The following COQ10B variants were observed in gnomAD, a reference collection of about 807,000 sequenced individuals.
The protein encoded by COQ10B is coenzyme Q10B.
Under a neutral mutation model 27.6 loss-of-function variants are expected in COQ10B, and 12 were observed. The observed-to-expected ratio is 0.43, with a 90% CI of 0.28 to 0.70. COQ10B has a LOEUF of 0.70. COQ10B is among the 30% of genes least tolerant of loss of function. The probability of loss-of-function intolerance (pLI) is 0.17; values close to 1 mark genes in which losing one functional copy is unlikely to be tolerated. For synonymous variants in COQ10B, 115 were observed against 103.0 expected, an observed-to-expected ratio of 1.12 and a Z score of -0.71; for missense variants, 278 against 288.7, an observed-to-expected ratio of 0.96 and a Z score of 0.27.
chr2:197,460,633 A>T (rs78026314), intron 2 of COQ10B, among the ~76,000 whole-genome samples: 3,500 of 152,334 alleles, frequency 0.023, 129 homozygotes, highest in African/African-American at 0.081. Flanking sequence ...TATTAGCAAC[A>T]TTACTGATAC....
At chr2:197,454,085 A>G (rs1232122877) in intron 1 of COQ10B, 5 of 1,551,094 alleles carry the variant, frequency 3.2e-6, no homozygotes, top group East Asian at 2.4e-5. Flanking sequence ...TACCTGCCAG[A>G]TGGTCAGATG....
Position 197,474,795 on chromosome 2 carries a change from C to G in COQ10B, c.*871C>G, listed in dbSNP as rs938360767. 1 of 151,158 alleles carries G rather than the reference C, an allele frequency of 6.6e-6. No homozygotes were observed. Among genetic ancestry groups the G allele is most frequent in the South Asian group, 2.1e-4 (1 of 4,806 alleles). The allele number at this position is 151,158 out of a possible 1,614,324, so 9.4% of individuals were successfully genotyped here. A position where few individuals can be genotyped will look rare whatever the true frequency, so the allele number is the denominator to read the frequency against. ...TCATTGCCATAATGAGGCTAGCTCC[C>G]AGATAAACAGTGTATTTTCTTCTTT... On this transcript the variant is annotated 3_prime_UTR_variant, in exon 5 of 5. Coordinates refer to ENST00000263960, the MANE Select transcript of COQ10B (RefSeq NM_025147.5).
At chr2:197,453,918 C>G in intron 1 of COQ10B, 1 of 1,528,656 alleles carries the variant, frequency 6.5e-7, no homozygotes, top group Non-Finnish European at 8.8e-7. Context: ...ACTTTGGAAG[C>G]AATTTGGCCA....
In COQ10B at chr2:197,473,402, C is replaced by CAAAA. The variant is rs1208430482; in HGVS notation, c.550-344_550-341dup. On this transcript the variant is annotated intron_variant, in intron 4 of 4. Coordinates refer to ENST00000263960, the MANE Select transcript of COQ10B (RefSeq NM_025147.5). Reference sequence around the variant, plus strand: ...AACCCCTTCTCTACGCCCCCCCCCACAAAAAAAAAAAAAATATATATATAT... The same window carrying CAAAA: ...AACCCCTTCTCTACGCCCCCCCCCACAAAAAAAAAAAAAAAAAATATATATATAT... 1.3e-3 allele frequency among the ~76,000 whole-genome samples: 59 copies of CAAAA among 45,654 alleles called. 1 individual carries two copies. The highest frequency in any genetic ancestry group is 4.6e-3 in the African/African-American group (45 of 9,876). 30.0% of individuals were successfully genotyped at this position (45,654 alleles called of 152,430 possible).
At chr2:197,453,907 G>T in intron 1 of COQ10B, 2 of 1,514,024 alleles carry the variant, frequency 1.3e-6, no homozygotes, top group South Asian at 2.4e-5. Context: ...TCGGCGAAGC[G>T]ACTTTGGAAG....
chr2:197,457,708 G>A (rs1232914572), intron 1 of COQ10B, among the ~76,000 whole-genome samples: 1 of 149,854 alleles, frequency 6.7e-6, no homozygotes, highest in Non-Finnish European at 1.5e-5. Flanking sequence ...TGCAACCTCC[G>A]CGTCCCAGGT....
intron 1 of COQ10B, among the ~76,000 whole-genome samples, chr2:197,459,441 C>T (rs2085733719): frequency 6.6e-6 from 1 of 152,162 alleles, no homozygotes; most frequent in Admixed American, 6.5e-5. Flanking sequence ...ACTGGGATTA[C>T]AGGTTTGAGC....
chr2:197,455,681 C>T (rs573008999), intron 1 of COQ10B, among the ~76,000 whole-genome samples: 2 of 149,352 alleles, frequency 1.3e-5, no homozygotes, highest in Non-Finnish European at 3.0e-5. Flanking sequence ...TAAACAAGGC[C>T]GGACACAGTG....
intron 1 of COQ10B, among the ~76,000 whole-genome samples, chr2:197,456,663 G>T (rs546919589): frequency 6.6e-6 from 1 of 151,940 alleles, no homozygotes; most frequent in African/African-American, 2.4e-5. Flanking sequence ...TACTCGGGAG[G>T]CTGAGGCAGG....
At chr2:197,454,191 T>C in intron 1 of COQ10B, 2 of 1,456,040 alleles carry the variant, frequency 1.4e-6, no homozygotes, top group Middle Eastern at 1.8e-4. Flanking sequence ...TTTTTCACTC[T>C]GCTGTAACTT....
intron 3 of COQ10B, among the ~76,000 whole-genome samples, chr2:197,466,443 T>C (rs1372025188): frequency 6.6e-6 from 1 of 152,190 alleles, no homozygotes; most frequent in East Asian, 1.9e-4. Context: ...TATCACTCTG[T>C]AATATATTTC....
intron 1 of COQ10B, among the ~76,000 whole-genome samples, chr2:197,458,512 T>C (rs186814438): frequency 2.6e-5 from 4 of 152,252 alleles, no homozygotes; most frequent in Admixed American, 2.0e-4. Context: ...ATAAGGCTTA[T>C]GTTTGTTCTA....
In COQ10B at chr2:197,474,921, T is replaced by C. The variant is rs2085934900; in HGVS notation, c.*997T>C. ...TTGGCTGCTCTTTCAGTAATGCTAA[T>C]TGTGTGTCAAATTTTGTCTACAACA... On this transcript the variant is annotated 3_prime_UTR_variant, in exon 5 of 5. Coordinates refer to ENST00000263960, the MANE Select transcript of COQ10B (RefSeq NM_025147.5). The C allele has an allele frequency of 6.6e-6, 1 of 151,874 alleles. No individual in the cohort carries two copies. Among genetic ancestry groups the C allele is most frequent in the African/African-American group, 2.4e-5 (1 of 41,266 alleles). 9.4% of individuals were successfully genotyped at this position (151,874 alleles called of 1,614,324 possible).
In COQ10B at chr2:197,470,053, T is replaced by G. The variant is rs756043084; in HGVS notation, c.448-17T>G. On this transcript the variant is annotated splice_polypyrimidine_tract_variant and intron_variant, in intron 3 of 4. Coordinates refer to ENST00000263960, the MANE Select transcript of COQ10B (RefSeq NM_025147.5). ...AAAGGTATTTAACTGTGGTTTTATT[T>G]TTTCATTTTGTTGTAGGCATCTTGT... 5.2e-6 allele frequency: 8 copies of G among 1,533,426 alleles called. No homozygotes were observed. The Admixed American group carries it at 1.4e-4, about 26-fold the overall frequency. 95.0% of individuals were successfully genotyped at this position (1,533,426 alleles called of 1,614,324 possible).
chr2:197,466,580 C>A (rs1330565924), intron 3 of COQ10B, among the ~76,000 whole-genome samples: 1 of 152,194 alleles, frequency 6.6e-6, no homozygotes, highest in Non-Finnish European at 1.5e-5. Context: ...ACTTATGAAG[C>A]TTTCACTACC....
chr2:197,468,953 A>G (rs1222303678), intron 3 of COQ10B, among the ~76,000 whole-genome samples: 1 of 152,152 alleles, frequency 6.6e-6, no homozygotes, highest in Non-Finnish European at 1.5e-5. Context: ...TGAACTAGTA[A>G]CTATGGTTCT....
chr2:197,458,873 G>A lies in COQ10B; in HGVS notation c.105-1059G>A, dbSNP rs1263995244. Among the ~76,000 whole-genome samples the A allele has an allele frequency of 2.0e-5, 3 of 151,994 alleles. No homozygotes were observed. In the East Asian group the frequency reaches 5.8e-4, roughly 29 times the overall value. ...TTTTTTGCATTTTTAGTAGAGATGG[G>A]GTTTCACCATGTTAGTCAGGCTGGT... On this transcript the variant is annotated intron_variant, in intron 1 of 4. Transcript: ENST00000263960.
chr2:197,458,457 C>G (rs1193844299), intron 1 of COQ10B, among the ~76,000 whole-genome samples: 1 of 152,130 alleles, frequency 6.6e-6, no homozygotes, highest in East Asian at 1.9e-4. Context: ...TGCATCTCTT[C>G]TTCAGCACTT....
At chr2:197,468,867 A>AAAAAAT (rs146473479) in intron 3 of COQ10B, among the ~76,000 whole-genome samples, 6 of 152,042 alleles carry the variant, frequency 3.9e-5, no homozygotes, top group African/African-American at 9.7e-5. Context: ...CTGAGGTGGG[A>AAAAAAT]AAAAATAAAA....
Sources: allele counts gnomAD v4.1 joint callset (sites outside exome capture counted in the v4.1 genomes callset), GRCh38; gene constraint gnomAD v4.1.1; transcripts MANE v1.5; gene names NCBI Gene and HGNC (gene_info 2026-07-23, HGNC 2026-07-21).